Variants in FREM2 observed in about 807,000 individuals in gnomAD.
FREM2 encodes the protein FRAS1-related extracellular matrix protein 2.
A neutral mutation model predicts 219.9 loss-of-function variants in FREM2; 119 were observed. The ratio of observed to expected loss-of-function variants is 0.54; its 90% CI spans 0.47 to 0.63. FREM2 has a LOEUF of 0.63. FREM2 is among the 30% of genes least tolerant of loss of function. The pLI, the probability that FREM2 is intolerant of heterozygous loss-of-function variation, is 0.00. For missense variants in FREM2, 4,030 were observed against 3,993.6 expected (o/e 1.01, Z -0.25); for synonymous variants, 1,562 against 1,522.8 (o/e 1.03, Z -0.60).
At chr13:38,710,743 A>G (rs952512485) in intron 2 of FREM2, among the ~76,000 whole-genome samples, 1 of 152,200 alleles carries the variant, frequency 6.6e-6, no homozygotes, top group African/African-American at 2.4e-5. Flanking sequence ...GTTGATTTCT[A>G]TTTTCTCTTA....
intron 6 of FREM2, among the ~76,000 whole-genome samples, chr13:38,819,848 A>G (rs867480086): frequency 1.3e-5 from 2 of 152,112 alleles, no homozygotes; most frequent in African/African-American, 4.8e-5. Context: ...GACTAAAGAG[A>G]CTATGGCATT....
intron 2 of FREM2, among the ~76,000 whole-genome samples, chr13:38,711,009 G>A (rs1178812132): frequency 6.6e-6 from 1 of 152,196 alleles, no homozygotes; most frequent in Non-Finnish European, 1.5e-5. Flanking sequence ...TGTTTCTAGT[G>A]TAGAGATATC....
chr13:38,767,243 C>CAA (rs1422740275), intron 3 of FREM2, among the ~76,000 whole-genome samples: 6 of 152,204 alleles, frequency 3.9e-5, no homozygotes, highest in African/African-American at 1.4e-4. Context: ...CCCTGTTTAA[C>CAA]CACTTTGTTA....
rs146685625 is a variant in FREM2 at position 38,690,084 on chromosome 13, T to G, written c.2740T>G (p.Cys914Gly). ...HNGDKSLTDSCSLEVSDRHHV... is the reference protein window; with the variant it reads ...HNGDKSLTDSGSLEVSDRHHV... ...TGGGGACAAGTCCCTGACTGATAGC[T>G]GCTCCTTGGAAGTCAGTGACAGACA... Residue 914 changes from cysteine to glycine, a missense_variant, in exon 1 of 24, where the codon TGC (cysteine) becomes GGC (glycine). Coordinates refer to ENST00000280481, the MANE Select transcript of FREM2 (RefSeq NM_207361.6). The G allele has an allele frequency of 6.5e-4, 1,045 of 1,614,000 alleles. 12 individuals carry two copies. Among genetic ancestry groups the G allele is most frequent in the Non-Finnish European group, 1.2e-4 (136 of 1,180,040 alleles).
Position 38,694,064 on chromosome 13 carries a change from T to C in FREM2, c.5173+1547T>C, listed in dbSNP as rs1870008280. On this transcript the variant is annotated intron_variant, in intron 1 of 23. Coordinates refer to ENST00000280481, the MANE Select transcript of FREM2 (RefSeq NM_207361.6). ...CTGAAAAAGAAATCTGATTTAGAGATTTTTAAAAGGACTATTTTGATGAAG... is the reference window on the plus strand; with the variant it reads ...CTGAAAAAGAAATCTGATTTAGAGACTTTTAAAAGGACTATTTTGATGAAG... Among the ~76,000 whole-genome samples the C allele has an allele frequency of 2.6e-5, 4 of 152,198 alleles. No homozygotes were observed. The South Asian group carries it at 8.3e-4, about 31-fold the overall frequency.
chr13:38,687,963 T>G lies in FREM2; in HGVS notation c.619T>G (p.Phe207Val). 1.2e-6 allele frequency: 2 copies of G among 1,611,432 alleles called. No homozygotes were observed. The highest frequency in any genetic ancestry group is 2.2e-5 in the South Asian group (2 of 90,644). ...TGCCCTGGACGCGCGGAGCCTGGAG[T>G]TCGCCTTCCAGCCCGAGACAGAGGA... is the stretch of plus-strand genomic sequence containing the variant. Reference protein sequence around the residue: ...SNALDARSLEFAFQPETEECR... With the variant: ...SNALDARSLEVAFQPETEECR... Residue 207 changes from phenylalanine (F) to valine (V), a missense_variant, in exon 1 of 24, where the codon TTC becomes GTC. Physicochemically the swap from Phe to Val is conservative, Grantham distance 50. Coordinates refer to ENST00000280481, the MANE Select transcript of FREM2 (RefSeq NM_207361.6).
chr13:38,797,901 A>C (rs1468845427), intron 6 of FREM2, among the ~76,000 whole-genome samples: 1 of 152,084 alleles, frequency 6.6e-6, no homozygotes, highest in Admixed American at 6.6e-5. Context: ...CTAGATATAA[A>C]ATAATGTCAT....
intron 2 of FREM2, among the ~76,000 whole-genome samples, chr13:38,750,411 G>A (rs1014242812): frequency 1.3e-5 from 2 of 151,994 alleles, no homozygotes; most frequent in African/African-American, 4.8e-5. Context: ...ATTTTACTTA[G>A]TATAACGACT....
intron 18 of FREM2, 40 bp downstream of exon 18, chr13:38,874,626 A>G: frequency 4.0e-6 from 6 of 1,498,718 alleles, no homozygotes; most frequent in Non-Finnish European, 5.6e-6. Context: ...CCTCACACAA[A>G]AAGGAGGTAG....
chr13:38,687,951 C>G lies in FREM2; in HGVS notation c.607C>G (p.Arg203Gly), dbSNP rs1322502857. 3 of 1,608,958 alleles carry G rather than the reference C, an allele frequency of 1.9e-6. No homozygotes were observed. The highest frequency in any genetic ancestry group is 1.1e-5 in the South Asian group (1 of 90,394). ...LLGTSNALDA[R>G]SLEFAFQPET... The stretch of plus-strand genomic sequence containing the variant: ...GGGGACCAGCAATGCCCTGGACGCG[C>G]GGAGCCTGGAGTTCGCCTTCCAGCC... Residue 203 changes from arginine (R) to glycine (G), a missense_variant, in exon 1 of 24, where the codon CGG (arginine) becomes GGG (glycine). This residue lies in a region of FREM2 where 3,102 missense variants were observed against 2,950.7 expected (regional missense o/e 1.05). Transcript: ENST00000280481.
At chr13:38,880,200 G>A in intron 23 of FREM2, 84 bp from the exon 24 acceptor site, 1 of 1,329,886 alleles carries the variant, frequency 7.5e-7, no homozygotes, top group Middle Eastern at 2.5e-4. Flanking sequence ...TAATATCTCT[G>A]CCATTAATTT....
intron 2 of FREM2, among the ~76,000 whole-genome samples, chr13:38,704,584 G>C (rs1173428926): frequency 6.6e-6 from 1 of 152,192 alleles, no homozygotes; most frequent in African/African-American, 2.4e-5. Flanking sequence ...AACCAGAGAA[G>C]GTAACAAGAT....
intron 9 of FREM2, 55 bp downstream of exon 9, chr13:38,850,290 CA>C: frequency 2.9e-6 from 4 of 1,381,644 alleles, no homozygotes; most frequent in Non-Finnish European, 4.1e-6. Context: ...AATTTTTACT[CA>C]GAAATATATA....
At position 38,834,918 on chromosome 13, in the gene FREM2, A is replaced by G. The variant is rs187523701; in HGVS notation, c.6020-11655A>G. On this transcript the variant is annotated intron_variant, in intron 6 of 23. Transcript: ENST00000280481. ...TAGGTTGCCTGTTCACTCTGATAAT[A>G]GTTTCTTTTGCTGTGCAGAAGCTCT... 5.5e-4 allele frequency among the ~76,000 whole-genome samples: 83 copies of G among 152,282 alleles called. 2 individuals carry two copies. The East Asian group carries it at 0.013, about 23-fold the overall frequency.
chr13:38,758,478 A>G (rs1037601737), intron 2 of FREM2, among the ~76,000 whole-genome samples: 2 of 152,152 alleles, frequency 1.3e-5, no homozygotes, highest in African/African-American at 4.8e-5. Flanking sequence ...TGCCTCTCAC[A>G]GCATTTGCCA....
At chr13:38,735,915 TCA>T (rs1871971716) in intron 2 of FREM2, among the ~76,000 whole-genome samples, 1 of 152,176 alleles carries the variant, frequency 6.6e-6, no homozygotes, top group South Asian at 2.1e-4. Flanking sequence ...CTCCTCACAG[TCA>T]CAGAGGTGCT....
chr13:38,800,675 G>A (rs1874974573), intron 6 of FREM2, among the ~76,000 whole-genome samples: 1 of 152,166 alleles, frequency 6.6e-6, no homozygotes, highest in South Asian at 2.1e-4. Flanking sequence ...TGTCACCCAG[G>A]CTGGAATGCA....
rs553605556 is a variant in FREM2, at chr13:38,687,525, G to C, written c.181G>C (p.Ala61Pro). The C allele has an allele frequency of 8.4e-5, 134 of 1,598,712 alleles. No homozygotes were observed. The African/African-American group carries it at 1.6e-3, about 19-fold the overall frequency. The change falls in exon 1 of 24, where the codon GCG (alanine) becomes CCG (proline). Residue 61 changes from alanine to proline, a missense_variant. Around this residue, in one of 2 missense-constraint regions of FREM2, gnomAD observed 3,102 missense variants for 2,950.7 expected, o/e 1.05. Coordinates refer to ENST00000280481, the MANE Select transcript of FREM2 (RefSeq NM_207361.6). The stretch of plus-strand genomic sequence containing the variant: ...CAGGGCGTTGCTGTCCCCTGGTCTC[G>C]CGGGGGCTGCAGGGGTCCCTGCTGA... ...FGRALLSPGL[A>P]GAAGVPAEEA...
At chr13:38,771,650 A>C (rs4356348) in intron 4 of FREM2, among the ~76,000 whole-genome samples, 138,804 of 152,108 alleles carry the variant, frequency 0.91, 63,363 homozygotes, top group Middle Eastern at 0.96. Flanking sequence ...ATGTATTGAT[A>C]ATCTAAGTTG....
Sources: allele counts gnomAD v4.1 joint callset (sites outside exome capture counted in the v4.1 genomes callset), GRCh38; gene constraint gnomAD v4.1.1; regional missense constraint gnomAD v4.1.1; transcripts MANE v1.5; gene names NCBI Gene and HGNC (gene_info 2026-07-23, HGNC 2026-07-21).